The following ZNF516 variants were observed in gnomAD, a reference collection of about 807,000 sequenced individuals.
The protein encoded by ZNF516 is zinc finger protein 516.
Under a neutral mutation model 79.7 loss-of-function variants are expected in ZNF516, and 19 were observed. The ratio of observed to expected loss-of-function variants is 0.24; its 90% CI spans 0.17 to 0.35. The LOEUF (loss-of-function observed/expected upper bound fraction) is 0.35, where lower values mean the gene tolerates loss of function less well. Ranked by LOEUF, ZNF516 falls within the 10% of genes least tolerant of loss-of-function variation. The pLI is 1.00. For synonymous variants in ZNF516, 877 were observed against 739.5 expected, an observed-to-expected ratio of 1.19 and a Z score of -3.02; for missense variants, 1,678 against 1,679.5, an observed-to-expected ratio of 1.00 and a Z score of 0.02.
At chr18:76,371,439 T>C in intron 5 of ZNF516, 28 bp downstream of exon 5, 1 of 1,585,510 alleles carries the variant, frequency 6.3e-7, no homozygotes, top group Admixed American at 1.7e-5. Flanking sequence ...CTGCTCCCCT[T>C]GGGGATAGCT....
chr18:76,437,748 T>G (rs78547521), intron 3 of ZNF516, among the ~76,000 whole-genome samples: 1,944 of 152,342 alleles, frequency 0.013, 49 homozygotes, highest in African/African-American at 0.045. Context: ...GCTCTATAAA[T>G]TCTGCTGTGT....
At chr18:76,391,130 G>A (rs138325446) in intron 3 of ZNF516, among the ~76,000 whole-genome samples, 3 of 152,254 alleles carry the variant, frequency 2.0e-5, no homozygotes, top group African/African-American at 4.8e-5. Context: ...AATCATTAAG[G>A]AGGGCTGCGA....
chr18:76,377,190 C>T (rs1335191320), intron 4 of ZNF516, among the ~76,000 whole-genome samples: 1 of 152,266 alleles, frequency 6.6e-6, no homozygotes, highest in Non-Finnish European at 1.5e-5. Flanking sequence ...ACACCGTCCA[C>T]CCAGAGCACA....
chr18:76,391,527 T>G (rs1478633889), intron 3 of ZNF516, among the ~76,000 whole-genome samples: 1 of 151,978 alleles, frequency 6.6e-6, no homozygotes, highest in Admixed American at 6.6e-5. Flanking sequence ...CCCAAACACC[T>G]AACCCTAACC....
intron 3 of ZNF516, among the ~76,000 whole-genome samples, chr18:76,413,992 A>G (rs971121092): frequency 1.3e-5 from 2 of 152,222 alleles, no homozygotes; most frequent in Non-Finnish European, 1.5e-5. Flanking sequence ...CACTTTTTTT[A>G]AACAAACATT....
chr18:76,469,407 G>A (rs1014144412), intron 1 of ZNF516, among the ~76,000 whole-genome samples: 2 of 152,266 alleles, frequency 1.3e-5, no homozygotes, highest in African/African-American at 2.4e-5. Flanking sequence ...AAAATGGACA[G>A]TTAAAAGAAG....
intron 3 of ZNF516, among the ~76,000 whole-genome samples, chr18:76,422,065 G>C (rs1319116814): frequency 1.3e-5 from 2 of 152,242 alleles, no homozygotes; most frequent in South Asian, 4.1e-4. Context: ...ATGAGCAAGT[G>C]AAGGTAAATC....
chr18:76,491,624 C>T (rs1915228298), intron 1 of ZNF516: 3 of 652,568 alleles, frequency 4.6e-6, no homozygotes, highest in African/African-American at 2.0e-5. Context: ...CTTCCCGCCC[C>T]GCCCACGGCC....
chr18:76,496,205 G>C (rs1401762039), upstream of ZNF516: 1 of 1,197,520 alleles, frequency 8.4e-7, no homozygotes, highest in Non-Finnish European at 1.1e-6. Context: ...GAGGGCGAGC[G>C]CCCCTTCACG....
At chr18:76,490,582 G>T in intron 1 of ZNF516, 1 of 195,258 alleles carries the variant, frequency 5.1e-6, no homozygotes, top group Non-Finnish European at 9.3e-6. Flanking sequence ...AGCTCCTTTT[G>T]GGAGGCTAGC....
intron 3 of ZNF516, among the ~76,000 whole-genome samples, chr18:76,428,409 A>T (rs868380032): frequency 2.1e-5 from 3 of 144,790 alleles, no homozygotes; most frequent in Admixed American, 2.1e-4. Context: ...AAAAAAAAAA[A>T]GAAAGAAATC....
intron 3 of ZNF516, among the ~76,000 whole-genome samples, chr18:76,392,836 C>T (rs1166775076): frequency 1.4e-3 from 54 of 37,540 alleles, no homozygotes; most frequent in South Asian, 2.6e-3. Flanking sequence ...GGTGGGAAGC[C>T]GGGAAGGCAG....
At chr18:76,495,052 A>G (rs1915426783) in intron 1 of ZNF516, 92 bp downstream of exon 1, 2 of 131,250 alleles carry the variant, frequency 1.5e-5, no homozygotes, top group Non-Finnish European at 3.2e-5. Flanking sequence ...GGCGCACACC[A>G]GAGTACGGGG....
chr18:76,446,316 G>A (rs1473875792), intron 2 of ZNF516, among the ~76,000 whole-genome samples: 3 of 152,104 alleles, frequency 2.0e-5, no homozygotes, highest in South Asian at 2.1e-4. Context: ...CTCATCCCAG[G>A]CAGCTTCCTA....
intron 3 of ZNF516, among the ~76,000 whole-genome samples, chr18:76,397,501 C>CAT (rs10687004): frequency 0.68 from 102,733 of 151,926 alleles, 35,049 homozygotes; most frequent in African/African-American, 0.77. Context: ...ACTGAGTACA[C>CAT]GTTTTCATTT....
Position 76,379,920 on chromosome 18 carries a change from G to C in ZNF516, c.2194C>G (p.Pro732Ala). ...GKRALAPDLM[P>A]LDLSARSTRD... ...GTCGACCTCGCACTTAAATCTAGCG[G>C]CATGAGGTCTGGGGCCAGCGCCCGC... Residue 732 changes from proline to alanine, a missense_variant, in exon 4 of 7, where the codon CCG (proline) becomes GCG (alanine). Transcript: ENST00000443185. 6.8e-6 allele frequency: 11 copies of C among 1,613,984 alleles called. No homozygotes were observed. Among genetic ancestry groups the C allele is most frequent in the Non-Finnish European group, 7.6e-6 (9 of 1,179,902 alleles).
chr18:76,417,162 C>T (rs536482268), intron 3 of ZNF516, among the ~76,000 whole-genome samples: 1 of 152,310 alleles, frequency 6.6e-6, no homozygotes, highest in South Asian at 2.1e-4. Context: ...CCGAATGCCT[C>T]GATGCCGCAG....
At chr18:76,408,277 A>G (rs617823) in intron 3 of ZNF516, among the ~76,000 whole-genome samples, 84,051 of 151,946 alleles carry the variant, frequency 0.55, 23,604 homozygotes, top group South Asian at 0.68. Context: ...CTAGTGACAC[A>G]ATGACTGTTT....
chr18:76,406,061 G>A (rs1052043269), intron 3 of ZNF516, among the ~76,000 whole-genome samples: 1 of 152,174 alleles, frequency 6.6e-6, no homozygotes, highest in African/African-American at 2.4e-5. Context: ...TCAGACGACA[G>A]CGCACGCAGG....
Sources: allele counts gnomAD v4.1 joint callset (sites outside exome capture counted in the v4.1 genomes callset), GRCh38; gene constraint gnomAD v4.1.1; transcripts MANE v1.5; gene names NCBI Gene and HGNC (gene_info 2026-07-23, HGNC 2026-07-21).